RC3H1: variants seen among roughly 807,000 people sequenced by gnomAD.
RC3H1 encodes roquin-1.
RC3H1 carries 50 observed loss-of-function variants against 138.2 expected under a neutral mutation model. The observed-to-expected ratio is 0.36, with a 90% CI of 0.29 to 0.46. The LOEUF (loss-of-function observed/expected upper bound fraction) is 0.46. Ranked by LOEUF, RC3H1 falls within the 20% of genes least tolerant of loss-of-function variation. RC3H1 has a pLI of 1.00. For synonymous variants in RC3H1, 462 were observed against 489.1 expected, an observed-to-expected ratio of 0.94 and a Z score of 0.73; for missense variants, 1,031 against 1,388.1, an observed-to-expected ratio of 0.74 and a Z score of 4.09.
At chr1:173,987,154 G>T (rs1436329104) in intron 2 of RC3H1, among the ~76,000 whole-genome samples, 1 of 152,088 alleles carries the variant, frequency 6.6e-6, no homozygotes, top group Non-Finnish European at 1.5e-5. Context: ...TGTTTACCAG[G>T]TTTCTCCACT....
intron 1 of RC3H1, among the ~76,000 whole-genome samples, chr1:174,000,467 G>A (rs966817690): frequency 3.3e-5 from 5 of 152,138 alleles, no homozygotes; most frequent in South Asian, 2.1e-4. Context: ...GAGGTTTGGC[G>A]GCATTAAGTA....
chr1:173,964,805 A>G (rs1420553554), intron 10 of RC3H1, 34 bp downstream of exon 10: 1 of 1,560,332 alleles, frequency 6.4e-7, no homozygotes, highest in African/African-American at 1.4e-5. Flanking sequence ...TATGAAGAAG[A>G]AATTTTGAAA....
Position 173,950,420 on chromosome 1 carries a change from C to CAAAAAAAAAAAAAAAAAAAAAAAAAA in RC3H1, c.2523+1565_2523+1566insTTTTTTTTTTTTTTTTTTTTTTTTTT, listed in dbSNP as rs60259705. Among the ~76,000 whole-genome samples the CAAAAAAAAAAAAAAAAAAAAAAAAAA allele has an allele frequency of 2.0e-4, 13 of 63,656 alleles. 1 individual carries two copies. The highest frequency in any genetic ancestry group is 6.2e-4 in the African/African-American group (9 of 14,402). 41.8% of individuals were successfully genotyped at this position (63,656 alleles called of 152,430 possible). ...CAACATAGCAAGACCTCATCTCTAC[C>CAAAAAAAAAAAAAAAAAAAAAAAAAA]AAAAAAAAAAAAAAAAAAAAAGAGC... On this transcript the variant is annotated intron_variant, in intron 14 of 19. Coordinates refer to ENST00000367696, the MANE Select transcript of RC3H1 (RefSeq NM_172071.4).
intron 11 of RC3H1, 24 bp downstream of exon 11, chr1:173,963,949 G>A: frequency 6.3e-7 from 1 of 1,591,196 alleles, no homozygotes; most frequent in South Asian, 1.1e-5. Flanking sequence ...AGAAAAGTTA[G>A]CAATATAAAT....
At chr1:173,963,143 A>G (rs1659950627) in intron 11 of RC3H1, among the ~76,000 whole-genome samples, 1 of 152,176 alleles carries the variant, frequency 6.6e-6, no homozygotes, top group Non-Finnish European at 1.5e-5. Flanking sequence ...ATTATCATTA[A>G]AGCTGGCTAA....
chr1:173,957,475 T>G (rs1158184749), intron 13 of RC3H1, among the ~76,000 whole-genome samples: 1 of 152,188 alleles, frequency 6.6e-6, no homozygotes, highest in Non-Finnish European at 1.5e-5. Flanking sequence ...ATATTTCTTA[T>G]AAAACAATAT....
Position 173,978,632 on chromosome 1 carries a change from T to A in RC3H1, c.970-12A>T, listed in dbSNP as rs1660678844. On this transcript the variant is annotated splice_polypyrimidine_tract_variant and intron_variant, in intron 6 of 19. Transcript: ENST00000367696. Reference sequence around the variant, plus strand: ...GCTGGAGTCTGCAACTTAAAAAAGATAAATGTTAACTTTCCCAAAGGTCAG... The same window carrying A: ...GCTGGAGTCTGCAACTTAAAAAAGAAAAATGTTAACTTTCCCAAAGGTCAG... 6.9e-6 allele frequency: 11 copies of A among 1,603,202 alleles called. No individual in the cohort carries two copies. In the South Asian group the frequency reaches 1.1e-4, roughly 16 times the overall value.
At chr1:174,007,306 C>T (rs1661672262) in intron 1 of RC3H1, among the ~76,000 whole-genome samples, 4 of 151,680 alleles carry the variant, frequency 2.6e-5, no homozygotes, top group South Asian at 2.1e-4. Flanking sequence ...AGGAGAATGG[C>T]GTGAACCCGG....
At position 173,961,977 on chromosome 1, in the gene RC3H1, A is replaced by T. The variant is rs781129490; in HGVS notation, c.1950T>A (p.Val650=). The T allele has an allele frequency of 6.2e-7, 1 of 1,614,156 alleles. No individual in the cohort carries two copies. The highest frequency in any genetic ancestry group is 8.5e-7 in the Non-Finnish European group (1 of 1,180,030). The change falls in exon 12 of 20, where the codon GTT becomes GTA. Residue 650 remains valine (V), a synonymous_variant. Coordinates refer to ENST00000367696, the MANE Select transcript of RC3H1 (RefSeq NM_172071.4). ...DHYPPYLQER[V]VNSQYGTQPQ... ...GCTGTGTGCCATACTGAGAGTTTAC[A>T]ACACGTTCTTGGAGGTAGGGTGGAT...
intron 1 of RC3H1, among the ~76,000 whole-genome samples, chr1:174,006,018 C>G (rs1661646607): frequency 1.3e-5 from 2 of 152,058 alleles, no homozygotes; most frequent in Non-Finnish European, 2.9e-5. Context: ...CCAACCTGGC[C>G]AACATGACAA....
Position 173,962,045 on chromosome 1 carries a change from G to A in RC3H1, c.1882C>T (p.Pro628Ser). The A allele has an allele frequency of 6.2e-7, 1 of 1,614,010 alleles. No homozygotes were observed. Among genetic ancestry groups the A allele is most frequent in the Non-Finnish European group, 8.5e-7 (1 of 1,179,962 alleles). The change falls in exon 12 of 20, where the codon CCA becomes TCA. Residue 628 changes from proline to serine, a missense_variant. Transcript: ENST00000367696. ...GGAGCAGGTTCAGGAGCAGATGGTGGAGGTCGGACAAAGCGGGACACACAT... is the reference window on the plus strand; with the variant it reads ...GGAGCAGGTTCAGGAGCAGATGGTGAAGGTCGGACAAAGCGGGACACACAT... ...PQCVSRFVRP[P>S]PSAPEPAPPY...
chr1:174,003,431 T>A (rs1273188324), intron 1 of RC3H1, among the ~76,000 whole-genome samples: 1 of 145,858 alleles, frequency 6.9e-6, no homozygotes, highest in East Asian at 2.1e-4. Flanking sequence ...GTACGGGGAA[T>A]CATCCTTGAC....
chr1:173,972,243 T>C (rs1660387532), intron 8 of RC3H1, among the ~76,000 whole-genome samples: 1 of 152,202 alleles, frequency 6.6e-6, no homozygotes, highest in African/African-American at 2.4e-5. Context: ...CATCAAATGC[T>C]GCCATATCCA....
intron 15 of RC3H1, 120 bp from the exon 16 acceptor site, chr1:173,946,956 T>A (rs1463938167): frequency 1.6e-5 from 11 of 681,058 alleles, no homozygotes; most frequent in South Asian, 9.3e-5. Context: ...ACCCTAAATG[T>A]CCAGATTTTT....
intron 1 of RC3H1, among the ~76,000 whole-genome samples, chr1:174,014,526 A>T (rs1054965626): frequency 5.3e-5 from 8 of 152,224 alleles, no homozygotes; most frequent in Non-Finnish European, 1.0e-4. Context: ...CCAAAAGTAC[A>T]CATACAGTTA....
intron 2 of RC3H1, among the ~76,000 whole-genome samples, chr1:173,988,192 G>C (rs1325327810): frequency 6.6e-6 from 1 of 152,112 alleles, no homozygotes; most frequent in Non-Finnish European, 1.5e-5. Flanking sequence ...ATAAAGAACT[G>C]TTTTACTGCC....
At chr1:174,012,696 A>G (rs1661789622) in intron 1 of RC3H1, among the ~76,000 whole-genome samples, 1 of 151,474 alleles carries the variant, frequency 6.6e-6, no homozygotes, top group Non-Finnish European at 1.5e-5. Flanking sequence ...AGGCAGGAGA[A>G]TGGCGTGGAC....
chr1:174,000,277 A>G (rs1358790491), intron 1 of RC3H1, among the ~76,000 whole-genome samples: 2 of 152,254 alleles, frequency 1.3e-5, no homozygotes. Flanking sequence ...TAGCTAAATT[A>G]CATTGCTGTG....
At chr1:174,007,409 A>G (rs1466394502) in intron 1 of RC3H1, among the ~76,000 whole-genome samples, 2 of 151,830 alleles carry the variant, frequency 1.3e-5, no homozygotes, top group Non-Finnish European at 2.9e-5. Context: ...AAAAATCTAT[A>G]TAACGGAATC....
Sources: gnomAD v4.1 joint callset for allele counts (sites outside exome capture counted in the v4.1 genomes callset) on GRCh38, gnomAD v4.1.1 for gene constraint, MANE v1.5 for transcripts, NCBI Gene and HGNC (gene_info 2026-07-23, HGNC 2026-07-21) for gene names.